TMEM278: variants seen among roughly 807,000 people sequenced by gnomAD.
TMEM278 encodes the protein transmembrane protein 278, also known as transmembrane protein 88B.
chr1:1,429,347 C>CAA, the TMEM278 span, among the ~76,000 whole-genome samples: 2 of 125,828 alleles, frequency 1.6e-5, no homozygotes, highest in Admixed American at 8.1e-5. Context: ...AACTCCATCT[C>CAA]AAAAAAAAAA....
At chr1:1,427,571 TC>T in the TMEM278 span, 3 of 920,724 alleles carry the variant, frequency 3.3e-6, no homozygotes, top group Non-Finnish European at 3.7e-6. Flanking sequence ...CCGCTCCGGG[TC>T]CCCGGTGCCG....
the TMEM278 span, chr1:1,426,082 T>C: frequency 3.4e-4 from 454 of 1,341,330 alleles, 1 homozygote; most frequent in Middle Eastern, 2.5e-3. Flanking sequence ...AGAGCACCAC[T>C]CTGCATTGAG....
chr1:1,425,966 C>T, the TMEM278 span, among the ~76,000 whole-genome samples: 1 of 152,000 alleles, frequency 6.6e-6, no homozygotes, highest in Non-Finnish European at 1.5e-5. Flanking sequence ...GGCTCTGGGA[C>T]AGACATCAGG....
At chr1:1,427,881 G>T in the TMEM278 span, 4 of 1,175,696 alleles carry the variant, frequency 3.4e-6, no homozygotes, top group Non-Finnish European at 4.3e-6. Flanking sequence ...CGCCCCCGCT[G>T]CCCCTTCCTG....
the TMEM278 span, chr1:1,427,709 T>C: frequency 7.6e-7 from 1 of 1,321,526 alleles, no homozygotes; most frequent in Admixed American, 3.4e-5. Flanking sequence ...CGCTGCTGCC[T>C]CCGCCCGCTG....
chr1:1,427,700 G>T, the TMEM278 span: 4 of 1,323,622 alleles, frequency 3.0e-6, no homozygotes, highest in South Asian at 3.8e-5. Context: ...GCCTCCGCCC[G>T]CTGCTGCCTC....
the TMEM278 span, chr1:1,426,302 C>T: frequency 1.5e-5 from 22 of 1,495,610 alleles, no homozygotes; most frequent in East Asian, 5.6e-4. Context: ...CCTGCTGCAC[C>T]TCCTGCTGCC....
At chr1:1,428,887 C>G in the TMEM278 span, among the ~76,000 whole-genome samples, 1 of 151,610 alleles carries the variant, frequency 6.6e-6, no homozygotes, top group African/African-American at 2.4e-5. Context: ...GTAGTACCAG[C>G]TACTCGGGAG....
At chr1:1,427,977 GAGAGGGGAGGGGAGGGGA>G in the TMEM278 span, among the ~76,000 whole-genome samples, 4 of 132,816 alleles carry the variant, frequency 3.0e-5, 1 homozygote, top group African/African-American at 1.1e-4. Context: ...GGGAGGGGAA[GAGAGGGGAGGGGAGGGGA>G]AGAGAGGGGA....
chr1:1,429,083 C>T, the TMEM278 span, among the ~76,000 whole-genome samples: 1 of 151,734 alleles, frequency 6.6e-6, no homozygotes. Context: ...GCAGGAGGAT[C>T]GCTTGAACCC....
chr1:1,426,915 T>G, the TMEM278 span, among the ~76,000 whole-genome samples: 3 of 151,848 alleles, frequency 2.0e-5, no homozygotes, highest in Non-Finnish European at 4.4e-5. Context: ...GGGCGCTTTT[T>G]CTGAGCCTCC....
At chr1:1,427,978 A>AGAGGG in the TMEM278 span, among the ~76,000 whole-genome samples, 2 of 107,344 alleles carry the variant, frequency 1.9e-5, no homozygotes, top group Admixed American at 9.6e-5. Flanking sequence ...GGAGGGGAAG[A>AGAGGG]GAGGGGAGGG....
chr1:1,427,797 C>G, the TMEM278 span: 1 of 1,379,508 alleles, frequency 7.2e-7, no homozygotes, highest in Non-Finnish European at 9.4e-7. Flanking sequence ...ACCCGGCGGC[C>G]GCTGCGAAAC....
At chr1:1,427,982 G>A in the TMEM278 span, among the ~76,000 whole-genome samples, 4 of 139,480 alleles carry the variant, frequency 2.9e-5, no homozygotes, top group East Asian at 6.5e-4. Context: ...GGGAAGAGAG[G>A]GGAGGGGAGG....
At chr1:1,427,652 G>A in the TMEM278 span, 1 of 1,344,872 alleles carries the variant, frequency 7.4e-7, no homozygotes, top group Non-Finnish European at 9.6e-7. Flanking sequence ...CGCCGCTGCT[G>A]GTGCTCGCCT....
chr1:1,429,915 C>T, the TMEM278 span, among the ~76,000 whole-genome samples: 1 of 152,376 alleles, frequency 6.6e-6, no homozygotes, highest in Non-Finnish European at 1.5e-5. Flanking sequence ...AGTCTGAGTG[C>T]AGTGGTGAGC....
the TMEM278 span, among the ~76,000 whole-genome samples, chr1:1,427,961 G>C: frequency 2.1e-5 from 3 of 144,508 alleles, no homozygotes; most frequent in Non-Finnish European, 4.6e-5. Flanking sequence ...CCGCCACGGA[G>C]GGCAGGGGAG....
chr1:1,427,556 C>T, the TMEM278 span: 1 of 1,096,992 alleles, frequency 9.1e-7, no homozygotes, highest in South Asian at 3.5e-5. Context: ...GCCCCCAGGT[C>T]CACCCCGCTC....
the TMEM278 span, chr1:1,426,294 TG>T: frequency 6.7e-7 from 1 of 1,499,192 alleles, no homozygotes; most frequent in Non-Finnish European, 8.9e-7. Context: ...GCCGGGCTCC[TG>T]CTGCACCTCC....
Sources: gnomAD v4.1 joint callset for allele counts (sites outside exome capture counted in the v4.1 genomes callset) on GRCh38, gnomAD v4.1.1 for gene constraint, MANE v1.5 for transcripts, NCBI Gene and HGNC (gene_info 2026-07-23, HGNC 2026-07-21) for gene names.